The following CHD9 variants were observed in gnomAD, a reference collection of about 807,000 sequenced individuals.
CHD9 encodes the protein ATP-dependent chromatin remodeler CHD9.
A neutral mutation model predicts 316.1 loss-of-function variants in CHD9; 77 were observed. That is an observed-to-expected ratio of 0.24 (90% confidence interval 0.20 to 0.29). The LOEUF is 0.29. Among genes scored for constraint, CHD9 ranks in the 10% least tolerant of loss-of-function variants. The probability of loss-of-function intolerance (pLI) is 1.00; values close to 1 mark genes in which losing one functional copy is unlikely to be tolerated. For synonymous variants in CHD9, 1,129 were observed against 1,158.3 expected, an observed-to-expected ratio of 0.97 and a Z score of 0.51; for missense variants, 2,763 against 3,438.1, an observed-to-expected ratio of 0.80 and a Z score of 4.91.
chr16:53,315,464 C>T (rs183726536), intron 36 of CHD9, among the ~76,000 whole-genome samples: 5 of 152,242 alleles, frequency 3.3e-5, no homozygotes, highest in African/African-American at 7.2e-5. Flanking sequence ...AACTTTATTA[C>T]GTGGCATTGT....
At chr16:53,236,312 G>T (rs1457207849) in intron 11 of CHD9, among the ~76,000 whole-genome samples, 1 of 151,998 alleles carries the variant, frequency 6.6e-6, no homozygotes, top group Non-Finnish European at 1.5e-5. Flanking sequence ...GAAACCCGGG[G>T]ATGGTAGGTA....
At chr16:53,256,140 G>A (rs2050567625) in intron 19 of CHD9, among the ~76,000 whole-genome samples, 1 of 152,046 alleles carries the variant, frequency 6.6e-6, no homozygotes, top group East Asian at 1.9e-4. Context: ...AGAACCTAAA[G>A]GAGAGAGAAA....
intron 24 of CHD9, among the ~76,000 whole-genome samples, chr16:53,284,509 T>C (rs992979224): frequency 1.3e-5 from 2 of 152,146 alleles, no homozygotes; most frequent in Non-Finnish European, 2.9e-5. Context: ...TTTCAGTCCT[T>C]CTATACATGA....
rs1283435034 is a variant in CHD9 at position 53,325,171 on chromosome 16, G to A, written c.*276G>A. ...TGGGGGTTAATTTTATGAAAATTAT[G>A]CTCAATAAGAGTTGTATATTTAATA... is the stretch of plus-strand genomic sequence containing the variant. On this transcript the variant is annotated 3_prime_UTR_variant, in exon 39 of 39. Transcript: ENST00000447540. The A allele has an allele frequency of 3.6e-6, 1 of 276,160 alleles. No homozygotes were observed. Among genetic ancestry groups the A allele is most frequent in the African/African-American group, 2.2e-5 (1 of 45,732 alleles). 17.1% of individuals were successfully genotyped at this position (276,160 alleles called of 1,614,324 possible). A position where few individuals can be genotyped will look rare whatever the true frequency, so the allele number is the denominator to read the frequency against.
rs35806274 is a variant in CHD9 at position 53,127,940 on chromosome 16, C to CAAAA, written c.-164-27970_-164-27967dup. ...CCTGGCCGACAGAGTGAGACTCTGT[C>CAAAA]AAAAAAAAAAAAAAAAAAAGCCCTT... is the stretch of plus-strand genomic sequence containing the variant. On this transcript the variant is annotated intron_variant, in intron 1 of 38. Transcript: ENST00000447540. 5.5e-4 allele frequency among the ~76,000 whole-genome samples: 43 copies of CAAAA among 78,140 alleles called. 1 individual carries two copies. Among genetic ancestry groups the CAAAA allele is most frequent in the African/African-American group, 1.9e-3 (35 of 18,172 alleles). 51.3% of individuals were successfully genotyped at this position (78,140 alleles called of 152,430 possible).
chr16:53,254,780 TTCTGTG>T (rs1208729620), intron 18 of CHD9, 175 bp downstream of exon 18: 1 of 440,658 alleles, frequency 2.3e-6, no homozygotes, highest in Non-Finnish European at 3.9e-6. Flanking sequence ...ATCCTTTTCT[TTCTGTG>T]TAGCTCCAGA....
At position 53,280,834 on chromosome 16, in the gene CHD9, CG is replaced by C; in HGVS notation, c.4968-4758del. Among the ~76,000 whole-genome samples, 4 of 152,276 alleles carry C rather than the reference CG, an allele frequency of 2.6e-5. No individual in the cohort carries two copies. In the East Asian group the frequency reaches 7.7e-4, roughly 29 times the overall value. The stretch of plus-strand genomic sequence containing the variant: ...CCCATTCCAATGGATCTTTCTTCTT[CG>C]GGGTCTCACTAAAGTGGTTCTTAAC... On this transcript the variant is annotated intron_variant, in intron 24 of 38. Transcript: ENST00000447540.
At chr16:53,286,365 G>A in intron 26 of CHD9, 22 bp downstream of exon 26, 1 of 1,267,790 alleles carries the variant, frequency 7.9e-7, no homozygotes, top group Non-Finnish European at 1.2e-6. Context: ...TCAGAGTCAT[G>A]AATTTTCTAT....
intron 21 of CHD9, 68 bp from the exon 22 acceptor site, chr16:53,267,859 A>G (rs1038043729): frequency 1.4e-6 from 2 of 1,383,702 alleles, no homozygotes; most frequent in Non-Finnish European, 1.0e-6. Flanking sequence ...CATTCCTTTT[A>G]TCTATGAGTT....
At position 53,079,207 on chromosome 16, in the gene CHD9, T is replaced by G. The variant is rs556635019; in HGVS notation, c.-165+24130T>G. The stretch of plus-strand genomic sequence containing the variant: ...CTGGTCCATCTTTGGTGGCAAAACT[T>G]CCACCATTGGCTGTTCATGCCATTG... On this transcript the variant is annotated intron_variant, in intron 1 of 38. Transcript: ENST00000447540. Among the ~76,000 whole-genome samples, 357 of 152,348 alleles carry G rather than the reference T, an allele frequency of 2.3e-3. 3 individuals carry two copies. Among genetic ancestry groups the G allele is most frequent in the African/African-American group, 8.3e-3 (344 of 41,588 alleles).
rs1265155543 is a variant in CHD9 at position 53,304,337 on chromosome 16, C to G, written c.6331C>G (p.Pro2111Ala). 6 of 1,612,814 alleles carry G rather than the reference C, an allele frequency of 3.7e-6. No individual in the cohort carries two copies. In the South Asian group the frequency reaches 6.6e-5, roughly 18 times the overall value. Residue 2111 changes from proline to alanine, a missense_variant, in exon 31 of 39, where the codon CCC (proline) becomes GCC (alanine). Physicochemically the swap from Pro to Ala is conservative, Grantham distance 27. Transcript: ENST00000447540. ...ACGCATGGTTGCAGCCAGAACAGAACCCCTAACTCCAAACCCAGCTTCTAA... is the reference window on the plus strand; with the variant it reads ...ACGCATGGTTGCAGCCAGAACAGAAGCCCTAACTCCAAACCCAGCTTCTAA... ...DRRMVAARTE[P>A]LTPNPASKKP...
intron 2 of CHD9, among the ~76,000 whole-genome samples, chr16:53,158,812 T>C (rs1490886328): frequency 6.6e-6 from 1 of 152,012 alleles, no homozygotes; most frequent in African/African-American, 2.4e-5. Context: ...TTTTTTTGTA[T>C]TTTTTGTAAA....
At chr16:53,106,033 A>G (rs12930884) in intron 1 of CHD9, among the ~76,000 whole-genome samples, 24,931 of 151,996 alleles carry the variant, frequency 0.16, 2,689 homozygotes, top group South Asian at 0.31. Flanking sequence ...CATGTTGACC[A>G]GGCTTCGAAC....
intron 1 of CHD9, among the ~76,000 whole-genome samples, chr16:53,097,426 T>A (rs370061731): frequency 6.6e-6 from 1 of 151,772 alleles, no homozygotes; most frequent in East Asian, 1.9e-4. Flanking sequence ...TCTTTCACAG[T>A]CTTGCTCTGT....
intron 1 of CHD9, among the ~76,000 whole-genome samples, chr16:53,084,045 C>G (rs1172419287): frequency 2.6e-5 from 4 of 152,024 alleles, no homozygotes; most frequent in Admixed American, 6.6e-5. Context: ...CCACCCGCAC[C>G]CAGCCCTGAC....
chr16:53,293,072 T>C lies in CHD9; in HGVS notation c.5510+20T>C, dbSNP rs537998682. The C allele has an allele frequency of 2.6e-5, 40 of 1,564,684 alleles. 1 individual carries two copies. The highest frequency in any genetic ancestry group is 2.4e-4 in the South Asian group (21 of 87,688). ...GCAAAGGTAAGACAATAACACTAAA[T>C]TTTTAATGTATTGTCTAAATGTAGC... is the stretch of plus-strand genomic sequence containing the variant. On this transcript the variant is annotated intron_variant, in intron 29 of 38. Transcript: ENST00000447540.
At chr16:53,268,768 T>G (rs573373038) in intron 22 of CHD9, among the ~76,000 whole-genome samples, 15 of 152,146 alleles carry the variant, frequency 9.9e-5, no homozygotes, top group Non-Finnish European at 1.6e-4. Context: ...TTGAGAAACA[T>G]TGATATGCAA....
At chr16:53,170,067 T>G (rs1350100373) in intron 2 of CHD9, among the ~76,000 whole-genome samples, 2 of 151,746 alleles carry the variant, frequency 1.3e-5, no homozygotes, top group Non-Finnish European at 2.9e-5. Flanking sequence ...TTGTTTGTTT[T>G]TTTTTGGTGA....
In CHD9 at chr16:53,314,881, A is replaced by G. The variant is rs771708632; in HGVS notation, c.7421A>G (p.Tyr2474Cys). Reference sequence around the variant, plus strand: ...ACAGGGATAAATCCAGCACTATCCTATACTCAACCTCAAGGAATTCCTGAT... The same window carrying G: ...ACAGGGATAAATCCAGCACTATCCTGTACTCAACCTCAAGGAATTCCTGAT... ...ISTGINPALS[Y>C]TQPQGIPDTE... is the part of the protein sequence containing the mutation. The change falls in exon 36 of 39, where the codon TAT becomes TGT. Residue 2474 changes from tyrosine to cysteine, a missense_variant. Tyr to Cys is a radical substitution (Grantham distance 194). Transcript: ENST00000447540. 6.2e-7 allele frequency: 1 copy of G among 1,613,818 alleles called. No individual in the cohort carries two copies.
Sources: allele counts gnomAD v4.1 joint callset (sites outside exome capture counted in the v4.1 genomes callset), GRCh38; gene constraint gnomAD v4.1.1; transcripts MANE v1.5; gene names NCBI Gene and HGNC (gene_info 2026-07-23, HGNC 2026-07-21).